The following NFASC variants were observed in gnomAD, a reference collection of about 807,000 sequenced individuals.
The protein encoded by NFASC is neurofascin homolog.
Under a neutral mutation model 147.5 loss-of-function variants are expected in NFASC, and 43 were observed. The ratio of observed to expected loss-of-function variants is 0.29; its 90% CI spans 0.23 to 0.38. NFASC has a LOEUF of 0.38. Among genes scored for constraint, NFASC ranks in the 10% least tolerant of loss-of-function variants. NFASC has a pLI of 1.00. For synonymous variants in NFASC, 622 were observed against 665.5 expected (o/e 0.93, Z 1.01); for missense variants, 1,320 against 1,689.0 (o/e 0.78, Z 3.83).
chr1:204,949,117 C>T (rs1388641222), intron 3 of NFASC, among the ~76,000 whole-genome samples: 4 of 152,218 alleles, frequency 2.6e-5, no homozygotes, highest in Non-Finnish European at 5.9e-5. Context: ...GCAAATGTCT[C>T]TTCAGTCTTC....
chr1:204,904,499 G>A (rs921918891), intron 1 of NFASC, among the ~76,000 whole-genome samples: 3 of 152,206 alleles, frequency 2.0e-5, no homozygotes, highest in Non-Finnish European at 4.4e-5. Flanking sequence ...ATGGATGTCT[G>A]TTCTTAACTT....
chr1:204,918,233 T>C (rs904452700), intron 1 of NFASC, among the ~76,000 whole-genome samples: 1 of 152,220 alleles, frequency 6.6e-6, no homozygotes, highest in African/African-American at 2.4e-5. Flanking sequence ...CATAAGGTAG[T>C]TCTTTTTATC....
At chr1:204,871,962 G>T (rs2077783852) in intron 1 of NFASC, among the ~76,000 whole-genome samples, 1 of 152,238 alleles carries the variant, frequency 6.6e-6, no homozygotes, top group Non-Finnish European at 1.5e-5. Context: ...TGATGGAAGG[G>T]ACAGTCTGTC....
intron 1 of NFASC, among the ~76,000 whole-genome samples, chr1:204,897,075 A>G (rs2083529284): frequency 6.8e-6 from 1 of 146,094 alleles, no homozygotes; most frequent in Admixed American, 6.9e-5. Flanking sequence ...CGACCCAGAC[A>G]TGCTGATTCA....
chr1:204,839,325 G>T lies in NFASC; in HGVS notation c.-200+10543G>T, dbSNP rs183448106. On this transcript the variant is annotated intron_variant, in intron 1 of 29. Coordinates refer to ENST00000339876, the MANE Select transcript of NFASC (RefSeq NM_001005388.3). ...ATTGACAAAGGAGGAGCTGAAGGTG[G>T]TTGCTCCCAGTCTAAAGGGAGAGGA... is the stretch of plus-strand genomic sequence containing the variant. Among the ~76,000 whole-genome samples, 18 of 151,050 alleles carry T rather than the reference G, an allele frequency of 1.2e-4. 1 individual carries two copies. The highest frequency in any genetic ancestry group is 4.1e-4 in the African/African-American group (17 of 41,214).
chr1:204,983,511 G>A (rs1190831765), intron 21 of NFASC, among the ~76,000 whole-genome samples: 2 of 152,156 alleles, frequency 1.3e-5, no homozygotes, highest in South Asian at 2.1e-4. Context: ...AGCAAGGACC[G>A]CCCTTAGGAG....
At chr1:204,983,789 G>A (rs183732927) in intron 21 of NFASC, among the ~76,000 whole-genome samples, 75 of 152,252 alleles carry the variant, frequency 4.9e-4, no homozygotes, top group Non-Finnish European at 8.8e-4. Flanking sequence ...CACAGGAGGG[G>A]GCAAATGAGT....
chr1:204,982,121 A>G, intron 21 of NFASC, 101 bp downstream of exon 21: 1 of 705,404 alleles, frequency 1.4e-6, no homozygotes, highest in Non-Finnish European at 2.2e-6. Flanking sequence ...ATGGGAGGAC[A>G]GCCAGTTCCC....
At chr1:204,896,029 T>A (rs1177312502) in intron 1 of NFASC, among the ~76,000 whole-genome samples, 1 of 152,218 alleles carries the variant, frequency 6.6e-6, no homozygotes, top group Non-Finnish European at 1.5e-5. Context: ...GATTATTTTG[T>A]TTAGGAGCTT....
rs2095466391 is a variant in NFASC at position 204,979,099 on chromosome 1, G to T, written c.1978+30G>T. ...CTCAGGGCCTTGCACCCCAAAGCTG[G>T]AAAAGAGGGACGGCAACACCCTTAA... is the stretch of plus-strand genomic sequence containing the variant. On this transcript the variant is annotated intron_variant, in intron 18 of 29. Transcript: ENST00000339876. This position sits in a 1 kb window ranked among gnomAD's most constrained non-coding sequence, Gnocchi z 6.0. 1 of 1,518,230 alleles carries T rather than the reference G, an allele frequency of 6.6e-7. No individual in the cohort carries two copies. The highest frequency in any genetic ancestry group is 8.9e-7 in the Non-Finnish European group (1 of 1,118,472). 94.0% of individuals were successfully genotyped at this position (1,518,230 alleles called of 1,614,324 possible).
At chr1:204,846,827 T>G (rs1464365276) in intron 1 of NFASC, among the ~76,000 whole-genome samples, 2 of 152,108 alleles carry the variant, frequency 1.3e-5, no homozygotes, top group Non-Finnish European at 2.9e-5. Flanking sequence ...ATTTGTTTTG[T>G]GGAGGCTGCC....
chr1:204,866,638 T>A (rs2077130853), intron 1 of NFASC, among the ~76,000 whole-genome samples: 1 of 152,218 alleles, frequency 6.6e-6, no homozygotes, highest in African/African-American at 2.4e-5. Flanking sequence ...CACAGCTTGC[T>A]GCATAGGTGA....
intron 27 of NFASC, 83 bp from the exon 28 acceptor site, chr1:205,009,474 G>A: frequency 2.1e-6 from 3 of 1,446,918 alleles, no homozygotes; most frequent in Non-Finnish European, 2.9e-6. Context: ...ACATGAGATA[G>A]CTGAAGTTCT....
chr1:204,852,234 C>T (rs969805716), intron 1 of NFASC, among the ~76,000 whole-genome samples: 1 of 152,188 alleles, frequency 6.6e-6, no homozygotes, highest in African/African-American at 2.4e-5. Context: ...CGTGGTAGCT[C>T]ATGCCTGTAA....
intron 1 of NFASC, among the ~76,000 whole-genome samples, chr1:204,902,898 C>T (rs557981684): frequency 2.0e-5 from 3 of 152,264 alleles, no homozygotes; most frequent in South Asian, 2.1e-4. Flanking sequence ...TGAGGCCAGA[C>T]GGCAGGGAGG....
chr1:205,009,914 G>C (rs985257767), intron 28 of NFASC: 3 of 566,708 alleles, frequency 5.3e-6, no homozygotes, highest in Non-Finnish European at 6.3e-6. Context: ...GGCGGCCTCA[G>C]AGAGGGGATG....
chr1:204,873,458 C>G (rs1002552188), intron 1 of NFASC, among the ~76,000 whole-genome samples: 2 of 152,180 alleles, frequency 1.3e-5, no homozygotes, highest in African/African-American at 4.8e-5. Context: ...GAGAGAGAAA[C>G]CACTCCCGTG....
intron 1 of NFASC, among the ~76,000 whole-genome samples, chr1:204,910,330 A>G (rs2087051966): frequency 6.6e-6 from 1 of 152,134 alleles, no homozygotes; most frequent in Non-Finnish European, 1.5e-5. Context: ...ATAGATTGTA[A>G]TTTATTTAAA....
intron 2 of NFASC, among the ~76,000 whole-genome samples, chr1:204,928,709 A>G (rs2092012888): frequency 6.6e-6 from 1 of 152,212 alleles, no homozygotes; most frequent in African/African-American, 2.4e-5. Context: ...ACAACAAAGA[A>G]CACAGACGTC....
Sources: allele counts gnomAD v4.1 joint callset (sites outside exome capture counted in the v4.1 genomes callset), GRCh38; gene constraint gnomAD v4.1.1; non-coding constraint Gnocchi (gnomAD v3.1); transcripts MANE v1.5; gene names NCBI Gene and HGNC (gene_info 2026-07-23, HGNC 2026-07-21).